The following COX10 variants were observed in gnomAD, a reference collection of about 807,000 sequenced individuals.
The protein encoded by COX10 is cytochrome c oxidase assembly factor heme A:farnesyltransferase COX10, also known as protoheme IX farnesyltransferase, mitochondrial.
A neutral mutation model predicts 37.3 loss-of-function variants in COX10; 27 were observed. The observed-to-expected ratio is 0.72, with a 90% CI of 0.53 to 1.00. The LOEUF is 1.00. Ranked by LOEUF, COX10 falls within the 50% of genes least tolerant of loss-of-function variation. The pLI is 0.00. For missense variants in COX10, 475 were observed against 563.2 expected, an observed-to-expected ratio of 0.84 and a Z score of 1.59; for synonymous variants, 222 against 229.1, an observed-to-expected ratio of 0.97 and a Z score of 0.28.
At chr17:14,174,933 C>T (rs1341343112) in intron 5 of COX10, among the ~76,000 whole-genome samples, 2 of 148,412 alleles carry the variant, frequency 1.3e-5, no homozygotes, top group Non-Finnish European at 3.0e-5. Context: ...ACCACTGGTA[C>T]GTGCAGTGAC....
intron 4 of COX10, among the ~76,000 whole-genome samples, chr17:14,155,051 T>C (rs1323477030): frequency 1.3e-5 from 2 of 152,118 alleles, no homozygotes; most frequent in Non-Finnish European, 2.9e-5. Flanking sequence ...AGCAAGTAAT[T>C]TGATGATGTT....
At chr17:14,091,777 G>T (rs183622882) in intron 3 of COX10, among the ~76,000 whole-genome samples, 10 of 152,264 alleles carry the variant, frequency 6.6e-5, no homozygotes, top group Admixed American at 6.5e-4. Flanking sequence ...ACTTGAAATG[G>T]AGACTTAATT....
At chr17:14,168,779 A>G (rs1411943445) in intron 5 of COX10, among the ~76,000 whole-genome samples, 1 of 152,212 alleles carries the variant, frequency 6.6e-6, no homozygotes, top group Non-Finnish European at 1.5e-5. Flanking sequence ...CAGAACAGCA[A>G]GGCCCTGGGC....
rs562320979 is a variant in COX10 at position 14,148,024 on chromosome 17, G to C, written c.625-11853G>C. Among the ~76,000 whole-genome samples, 116 of 151,844 alleles carry C rather than the reference G, an allele frequency of 7.6e-4. 4 individuals are homozygous for C. Among genetic ancestry groups the C allele is most frequent in the African/African-American group, 2.8e-3 (114 of 41,160 alleles). On this transcript the variant is annotated intron_variant, in intron 4 of 6. Coordinates refer to ENST00000261643, the MANE Select transcript of COX10 (RefSeq NM_001303.4). Reference sequence around the variant, plus strand: ...TTGGAGCTAGTAAAAACCAGTTTAAGTTTCTGAGTGTTTTACTTGTAGGAT... The same window carrying C: ...TTGGAGCTAGTAAAAACCAGTTTAACTTTCTGAGTGTTTTACTTGTAGGAT...
chr17:14,115,969 C>A (rs182582616), intron 4 of COX10, among the ~76,000 whole-genome samples: 316 of 152,224 alleles, frequency 2.1e-3, no homozygotes, highest in Non-Finnish European at 3.6e-3. Context: ...CACCACTGTG[C>A]AATCTATACA....
intron 3 of COX10, among the ~76,000 whole-genome samples, chr17:14,087,653 C>T (rs1430080190): frequency 6.6e-6 from 1 of 151,538 alleles, no homozygotes; most frequent in Non-Finnish European, 1.5e-5. Flanking sequence ...GGAAGGAGGG[C>T]ACAACAAACG....
At chr17:14,070,419 G>T (rs987281193) in intron 1 of COX10, among the ~76,000 whole-genome samples, 3 of 152,116 alleles carry the variant, frequency 2.0e-5, no homozygotes, top group Admixed American at 6.6e-5. Context: ...TATAAACCTT[G>T]TGATGGCAGG....
chr17:14,160,016 C>T (rs1905140120), intron 5 of COX10, 69 bp downstream of exon 5: 1 of 1,427,484 alleles, frequency 7.0e-7, no homozygotes, highest in Admixed American at 1.8e-5. Flanking sequence ...TGAATCATTT[C>T]CCACTATTTT....
At chr17:14,116,925 GT>G (rs1916127463) in intron 4 of COX10, among the ~76,000 whole-genome samples, 2 of 152,180 alleles carry the variant, frequency 1.3e-5, no homozygotes, top group Non-Finnish European at 1.5e-5. Context: ...CCCTGGTCCT[GT>G]GTGAACATTG....
At chr17:14,199,398 T>G (rs1228252518) in intron 6 of COX10, among the ~76,000 whole-genome samples, 1 of 152,218 alleles carries the variant, frequency 6.6e-6, no homozygotes, top group Non-Finnish European at 1.5e-5. Flanking sequence ...CATTTGAATT[T>G]CAGAGAGAAT....
Position 14,069,621 on chromosome 17 carries a change from C to G in COX10, c.16C>G (p.His6Asp), listed in dbSNP as rs199881731. The G allele has an allele frequency of 1.2e-6, 2 of 1,614,014 alleles. No homozygotes were observed. Among genetic ancestry groups the G allele is most frequent in the Non-Finnish European group, 1.7e-6 (2 of 1,180,034 alleles). ...CTCGTAAATTATGGCCGCATCTCCG[C>G]ACACTCTCTCCTCACGCCTCCTGAC... MAASP[H>D]TLSSRLLTGC... The change falls in exon 1 of 7, where the codon CAC becomes GAC. Residue 6 changes from histidine to aspartate, a missense_variant. His to Asp is a moderately conservative substitution (Grantham distance 81). Coordinates refer to ENST00000261643, the MANE Select transcript of COX10 (RefSeq NM_001303.4).
intron 5 of COX10, among the ~76,000 whole-genome samples, chr17:14,172,188 C>T (rs570359579): frequency 4.6e-5 from 7 of 152,214 alleles, no homozygotes; most frequent in Non-Finnish European, 8.8e-5. Context: ...AAACACATAT[C>T]TTTGCTGTGA....
intron 5 of COX10, among the ~76,000 whole-genome samples, chr17:14,160,564 A>G (rs560191153): frequency 1.1e-4 from 17 of 152,216 alleles, no homozygotes; most frequent in Non-Finnish European, 2.1e-4. Context: ...TATACTGACT[A>G]TGTAAATCAC....
At chr17:14,160,495 C>CT (rs150206262) in intron 5 of COX10, among the ~76,000 whole-genome samples, 2 of 151,352 alleles carry the variant, frequency 1.3e-5, no homozygotes, top group South Asian at 4.2e-4. Flanking sequence ...ATTTAAAAAA[C>CT]TTTTTTTTTA....
At chr17:14,153,733 T>C (rs1904967525) in intron 4 of COX10, among the ~76,000 whole-genome samples, 1 of 152,238 alleles carries the variant, frequency 6.6e-6, no homozygotes, top group East Asian at 1.9e-4. Flanking sequence ...AACTATATGA[T>C]ATATGTGTGT....
At chr17:14,070,402 A>T (rs1341435868) in intron 1 of COX10, among the ~76,000 whole-genome samples, 1 of 152,146 alleles carries the variant, frequency 6.6e-6, no homozygotes, top group Non-Finnish European at 1.5e-5. Flanking sequence ...GTTTTTCCCA[A>T]CTAGAATATA....
At chr17:14,154,720 C>T (rs1904994524) in intron 4 of COX10, among the ~76,000 whole-genome samples, 1 of 152,188 alleles carries the variant, frequency 6.6e-6, no homozygotes, top group Admixed American at 6.5e-5. Flanking sequence ...CCATCACTTA[C>T]ACTGTCTTTT....
At chr17:14,161,853 C>T (rs920209976) in intron 5 of COX10, among the ~76,000 whole-genome samples, 10 of 152,124 alleles carry the variant, frequency 6.6e-5, no homozygotes, top group African/African-American at 2.4e-4. Flanking sequence ...GATGGCCTGT[C>T]GTGGGACTTC....
rs1375748812 is a variant in COX10 at position 14,069,598 on chromosome 17, C to T, written c.-8C>T. On this transcript the variant is annotated 5_prime_UTR_variant, in exon 1 of 7. Transcript: ENST00000261643. ...GGATCCCGGGGAGCGGCCCCAGACT[C>T]GTAAATTATGGCCGCATCTCCGCAC... is the stretch of plus-strand genomic sequence containing the variant. 4 of 1,613,912 alleles carry T rather than the reference C, an allele frequency of 2.5e-6. No individual in the cohort carries two copies. The highest frequency in any genetic ancestry group is 3.4e-6 in the Non-Finnish European group (4 of 1,180,018).
Sources: gnomAD v4.1 joint callset for allele counts (sites outside exome capture counted in the v4.1 genomes callset) on GRCh38, gnomAD v4.1.1 for gene constraint, MANE v1.5 for transcripts, NCBI Gene and HGNC (gene_info 2026-07-23, HGNC 2026-07-21) for gene names.